STX18: variants seen among roughly 807,000 people sequenced by gnomAD.
STX18 encodes syntaxin-18.
STX18 carries 40 observed loss-of-function variants against 50.1 expected under a neutral mutation model. That is an observed-to-expected ratio of 0.80 (90% confidence interval 0.62 to 1.04). The LOEUF (loss-of-function observed/expected upper bound fraction) is 1.04. Among genes scored for constraint, STX18 ranks in the 50% least tolerant of loss-of-function variants. The pLI is 0.00. For synonymous variants in STX18, 158 were observed against 151.8 expected, an observed-to-expected ratio of 1.04 and a Z score of -0.30; for missense variants, 410 against 415.8, an observed-to-expected ratio of 0.99 and a Z score of 0.12.
intron 1 of STX18, among the ~76,000 whole-genome samples, chr4:4,484,086 T>G (rs891435433): frequency 3.9e-5 from 6 of 152,068 alleles, no homozygotes; most frequent in African/African-American, 1.4e-4. Flanking sequence ...ATGGTCTTGA[T>G]CTCCTGACCT....
chr4:4,497,526 T>G (rs920943756), intron 1 of STX18, among the ~76,000 whole-genome samples: 1 of 152,234 alleles, frequency 6.6e-6, no homozygotes, highest in Non-Finnish European at 1.5e-5. Context: ...CTACAAACAT[T>G]AACTCATTTA....
At chr4:4,446,085 T>A (rs569271252) in intron 5 of STX18, among the ~76,000 whole-genome samples, 2 of 152,268 alleles carry the variant, frequency 1.3e-5, no homozygotes, top group South Asian at 4.2e-4. Context: ...AAAAAGAAAG[T>A]GTTTTAAACA....
At chr4:4,480,118 C>T (rs745590452) in intron 1 of STX18, among the ~76,000 whole-genome samples, 1 of 152,186 alleles carries the variant, frequency 6.6e-6, no homozygotes, top group African/African-American at 2.4e-5. Context: ...AAAGACTGCT[C>T]GGCAAGGTAT....
Position 4,420,010 on chromosome 4 carries a change from C to G in STX18, c.*24G>C, listed in dbSNP as rs200405508. 1.5e-4 allele frequency: 242 copies of G among 1,592,446 alleles called. No homozygotes were observed. Among genetic ancestry groups the G allele is most frequent in the Middle Eastern group, 3.5e-4 (2 of 5,692 alleles). On this transcript the variant is annotated 3_prime_UTR_variant, in exon 11 of 11. Transcript: ENST00000306200. This position sits in a 1 kb window ranked among gnomAD's most constrained non-coding sequence, Gnocchi z 4.3. ...GTCTGTGAGTGCCCATGAGGACTCTCGTGCTGGGCCCCCGTGGCCCTGGCT... is the reference window on the plus strand; with the variant it reads ...GTCTGTGAGTGCCCATGAGGACTCTGGTGCTGGGCCCCCGTGGCCCTGGCT...
intron 5 of STX18, among the ~76,000 whole-genome samples, chr4:4,448,960 A>T (rs1295960789): frequency 3.9e-5 from 6 of 152,078 alleles, no homozygotes; most frequent in Non-Finnish European, 7.4e-5. Context: ...GAGTTGTTGC[A>T]AACACTAAAA....
At chr4:4,437,487 T>C in intron 6 of STX18, 3 of 339,252 alleles carry the variant, frequency 8.8e-6, no homozygotes, top group Non-Finnish European at 1.3e-5. Context: ...GATGCTCAAC[T>C]GGTAAGGACA....
chr4:4,427,560 A>G (rs1725311822), intron 7 of STX18, among the ~76,000 whole-genome samples: 2 of 152,230 alleles, frequency 1.3e-5, no homozygotes, highest in Admixed American at 1.3e-4. Flanking sequence ...GAATTTTTCT[A>G]ATGACAAAAT....
chr4:4,440,652 G>C (rs1375921161), intron 5 of STX18, among the ~76,000 whole-genome samples: 1 of 152,210 alleles, frequency 6.6e-6, no homozygotes, highest in Non-Finnish European at 1.5e-5. Flanking sequence ...AAAAAGGATG[G>C]TATTTGCAAA....
chr4:4,437,691 C>T (rs1725860360), intron 6 of STX18: 1 of 915,920 alleles, frequency 1.1e-6, no homozygotes, highest in Admixed American at 6.2e-5. Context: ...CCAGGTCTCT[C>T]CTGGCTCCAG....
chr4:4,490,267 T>C (rs1728885230), intron 1 of STX18, among the ~76,000 whole-genome samples: 1 of 152,182 alleles, frequency 6.6e-6, no homozygotes. Context: ...ATGACCACTA[T>C]TTTCAAAAGG....
chr4:4,438,310 T>C, intron 6 of STX18, 84 bp downstream of exon 6: 1 of 1,016,770 alleles, frequency 9.8e-7, no homozygotes, highest in Non-Finnish European at 1.5e-6. Flanking sequence ...TGTCTGAGAC[T>C]GTGCTACTTC....
intron 2 of STX18, chr4:4,461,842 C>T (rs750752834): frequency 2.2e-6 from 1 of 456,058 alleles, no homozygotes; most frequent in Non-Finnish European, 4.4e-6. Context: ...CCCTCTGGCC[C>T]CCTCGCAGAA....
rs542764816 is a variant in STX18, at chr4:4,513,690, C to T, written c.168+28107G>A. 2.6e-5 allele frequency among the ~76,000 whole-genome samples: 4 copies of T among 152,102 alleles called. No homozygotes were observed. The East Asian group carries it at 5.8e-4, about 22-fold the overall frequency. On this transcript the variant is annotated intron_variant, in intron 1 of 10. Coordinates refer to ENST00000306200, the MANE Select transcript of STX18 (RefSeq NM_016930.4). ...CACTGCTACATCTTAAACAGATACC[C>T]GACAAAACAGCATGGCCAATGAAAT...
intron 2 of STX18, among the ~76,000 whole-genome samples, chr4:4,463,386 A>T (rs1454997106): frequency 6.6e-6 from 1 of 152,242 alleles, no homozygotes. Context: ...CAACATTAAA[A>T]TATGTAACTA....
At chr4:4,421,481 T>C (rs1195653737) in intron 9 of STX18, among the ~76,000 whole-genome samples, 4 of 152,114 alleles carry the variant, frequency 2.6e-5, no homozygotes, top group Admixed American at 2.6e-4. Flanking sequence ...TCTTGAACTC[T>C]TGAGCTCACA....
At position 4,457,455 on chromosome 4, in the gene STX18, G is replaced by T. The variant is rs1577340125; in HGVS notation, c.398C>A (p.Ala133Asp). 6.2e-7 allele frequency: 1 copy of T among 1,613,884 alleles called. No individual in the cohort carries two copies. The highest frequency in any genetic ancestry group is 8.5e-7 in the Non-Finnish European group (1 of 1,179,988). The stretch of plus-strand genomic sequence containing the variant: ...GTAATCTTCAATGAAATCCAAAACA[G>T]CGGTCCTGTGCTCCTTCACTTGCTG... ...HSQQVKEHRT[A>D]VLDFIEDYLK... The change falls in exon 4 of 11, where the codon GCT becomes GAT. Residue 133 changes from alanine to aspartate, a missense_variant. Ala to Asp is a moderately radical substitution (Grantham distance 126). Transcript: ENST00000306200.
At chr4:4,497,305 T>C (rs1729224637) in intron 1 of STX18, among the ~76,000 whole-genome samples, 1 of 152,190 alleles carries the variant, frequency 6.6e-6, no homozygotes, top group Admixed American at 6.5e-5. Flanking sequence ...AGACTTCTGT[T>C]TTCTAAAATG....
In STX18 at chr4:4,420,112, A is replaced by G. The variant is rs1329465821; in HGVS notation, c.930T>C (p.Ala310=). 1 of 1,612,532 alleles carries G rather than the reference A, an allele frequency of 6.2e-7. No individual in the cohort carries two copies. Among genetic ancestry groups the G allele is most frequent in the Non-Finnish European group, 8.5e-7 (1 of 1,179,338 alleles). The part of the protein sequence containing the change: ...EDIREAIKNN[A]GFRVWILFFL... ...AGAAGAGGATCCACACGCGGAAGCC[A>G]GCGTTGTTTTTAATGGCCTGGGCAG... is the stretch of plus-strand genomic sequence containing the variant. The change falls in exon 11 of 11, where the codon GCT becomes GCC. Residue 310 remains alanine, a synonymous_variant. Transcript: ENST00000306200. This position sits in a 1 kb window ranked among gnomAD's most constrained non-coding sequence, Gnocchi z 4.3.
chr4:4,444,885 A>G (rs182172326), intron 5 of STX18, among the ~76,000 whole-genome samples: 50 of 152,356 alleles, frequency 3.3e-4, no homozygotes, highest in African/African-American at 1.1e-3. Context: ...TAATCCCAAC[A>G]CTTCATACTT....
Sources: gnomAD v4.1 joint callset for allele counts (sites outside exome capture counted in the v4.1 genomes callset) on GRCh38, gnomAD v4.1.1 for gene constraint, Gnocchi (gnomAD v3.1) non-coding constraint, MANE v1.5 for transcripts, NCBI Gene and HGNC (gene_info 2026-07-23, HGNC 2026-07-21) for gene names.